Variants in WAC observed in about 807,000 individuals in gnomAD.
The protein encoded by WAC is WW domain containing adaptor with coiled-coil, also known as WW domain-containing adapter protein with coiled-coil.
Under a neutral mutation model 79.6 loss-of-function variants are expected in WAC, and 11 were observed. The observed-to-expected ratio is 0.14, with a 90% confidence interval of 0.09 to 0.23. The LOEUF (loss-of-function observed/expected upper bound fraction) is 0.23. Among genes scored for constraint, WAC ranks in the 10% least tolerant of loss-of-function variants. The pLI, the probability that WAC is intolerant of heterozygous loss-of-function variation, is 1.00. For missense variants in WAC, 728 were observed against 773.5 expected, an observed-to-expected ratio of 0.94 and a Z score of 0.70; for synonymous variants, 304 against 276.9, an observed-to-expected ratio of 1.10 and a Z score of -0.97.
chr10:28,610,884 C>T (rs1841205986), intron 9 of WAC, 63 bp downstream of exon 9: 12 of 1,448,750 alleles, frequency 8.3e-6, no homozygotes, highest in Non-Finnish European at 1.1e-5. Context: ...GAATTAATAG[C>T]CCTTTTTTGT....
chr10:28,592,328 A>G (rs114883797), intron 6 of WAC, among the ~76,000 whole-genome samples: 1,749 of 152,284 alleles, frequency 0.011, 34 homozygotes, highest in African/African-American at 0.039. Flanking sequence ...ATGCACAGAA[A>G]ATGAGTGACA....
chr10:28,535,343 TGTGTTTAGTGTGA>T, intron 2 of WAC: 1 of 364,704 alleles, frequency 2.7e-6, no homozygotes, highest in Non-Finnish European at 4.7e-6. Flanking sequence ...GGGTTTTTTT[TGTGTTTAGTGTGA>T]TTTGTTATCA....
intron 7 of WAC, among the ~76,000 whole-genome samples, chr10:28,597,017 C>T (rs1840406587): frequency 6.6e-6 from 1 of 152,026 alleles, no homozygotes; most frequent in African/African-American, 2.4e-5. Context: ...TGAGCAGAAA[C>T]TCAACTATAA....
Position 28,590,712 on chromosome 10 carries a change from A to G in WAC, c.498-8A>G, listed in dbSNP as rs77623728. On this transcript the variant is annotated splice_polypyrimidine_tract_variant and splice_region_variant and intron_variant, in intron 5 of 13. Coordinates refer to ENST00000354911, the MANE Select transcript of WAC (RefSeq NM_016628.5). ...TTTTTATATGTTTATCTTTTTTTTT[A>G]TTTTTAGAGAACAGAGACAAAAAGA... 6 of 1,568,738 alleles carry G rather than the reference A, an allele frequency of 3.8e-6. No individual in the cohort carries two copies. The African/African-American group carries it at 6.9e-5, about 18-fold the overall frequency.
intron 3 of WAC, among the ~76,000 whole-genome samples, chr10:28,580,624 C>T (rs760881799): frequency 1.6e-4 from 25 of 152,042 alleles, no homozygotes; most frequent in Non-Finnish European, 2.5e-4. Context: ...TGTCGACAAA[C>T]TTAAGGAAAT....
chr10:28,601,724 G>A (rs929871287), intron 7 of WAC, among the ~76,000 whole-genome samples: 1 of 152,094 alleles, frequency 6.6e-6, no homozygotes, highest in African/African-American at 2.4e-5. Flanking sequence ...GCCTTCAAAG[G>A]GAGTGAAATT....
At chr10:28,540,380 T>A (rs894032700) in intron 3 of WAC, among the ~76,000 whole-genome samples, 1 of 152,210 alleles carries the variant, frequency 6.6e-6, no homozygotes, top group African/African-American at 2.4e-5. Context: ...ATGGCATGAA[T>A]TAGTTTGAAG....
chr10:28,607,947 C>G (rs1564416382), intron 7 of WAC, among the ~76,000 whole-genome samples: 1 of 152,166 alleles, frequency 6.6e-6, no homozygotes, highest in Non-Finnish European at 1.5e-5. Context: ...GGTTTTATGG[C>G]TTCAGGTTAT....
At chr10:28,614,339 C>T (rs751354995) in intron 10 of WAC, among the ~76,000 whole-genome samples, 11 of 152,058 alleles carry the variant, frequency 7.2e-5, no homozygotes, top group African/African-American at 1.4e-4. Flanking sequence ...GTGATCCGCC[C>T]GCCTCGGCCT....
intron 6 of WAC, among the ~76,000 whole-genome samples, chr10:28,594,588 C>T (rs1421525842): frequency 6.6e-6 from 1 of 152,002 alleles, no homozygotes; most frequent in Non-Finnish European, 1.5e-5. Context: ...ATTCCGGTAC[C>T]TTTTGTTGTG....
At chr10:28,616,071 G>T in intron 11 of WAC, 102 bp from the exon 12 acceptor site, 3 of 917,862 alleles carry the variant, frequency 3.3e-6, no homozygotes, top group Non-Finnish European at 3.1e-6. Context: ...TTAGGAATTT[G>T]GATATCTTTA....
At chr10:28,560,514 C>G (rs1838241802) in intron 3 of WAC, among the ~76,000 whole-genome samples, 1 of 152,094 alleles carries the variant, frequency 6.6e-6, no homozygotes. Context: ...GCCTGAGATT[C>G]TGGTTTAGAC....
chr10:28,566,262 CGT>C, intron 3 of WAC, among the ~76,000 whole-genome samples: 1 of 151,692 alleles, frequency 6.6e-6, no homozygotes, highest in Non-Finnish European at 1.5e-5. Flanking sequence ...TGTGTGTGCA[CGT>C]GTGTGTGTGC....
chr10:28,580,371 G>A (rs2132609571), intron 3 of WAC, among the ~76,000 whole-genome samples: 1 of 152,258 alleles, frequency 6.6e-6, no homozygotes, highest in African/African-American at 2.4e-5. Context: ...TGAATTTCTG[G>A]ATCTTAACCT....
At chr10:28,589,656 ATGTG>A in intron 4 of WAC, 76 bp from the exon 5 acceptor site, 1 of 876,332 alleles carries the variant, frequency 1.1e-6, no homozygotes, top group Non-Finnish European at 1.8e-6. Flanking sequence ...GTTTTCCTGT[ATGTG>A]TGCTTTGATG....
chr10:28,536,749 C>G (rs751827148), intron 3 of WAC, among the ~76,000 whole-genome samples: 5 of 152,334 alleles, frequency 3.3e-5, no homozygotes, highest in South Asian at 2.1e-4. Context: ...TATTTTCAGA[C>G]TTAATTTGCC....
chr10:28,603,976 T>A (rs371129245), intron 7 of WAC, among the ~76,000 whole-genome samples: 9 of 70,388 alleles, frequency 1.3e-4, no homozygotes, highest in African/African-American at 5.0e-4. Flanking sequence ...TATATATATA[T>A]ATATATATAT....
chr10:28,540,418 C>T (rs779634171), intron 3 of WAC, among the ~76,000 whole-genome samples: 9 of 152,308 alleles, frequency 5.9e-5, no homozygotes, highest in Admixed American at 1.3e-4. Flanking sequence ...CTGCTAATAT[C>T]TTCACCCTTC....
At chr10:28,595,668 A>G in intron 6 of WAC, 65 bp from the exon 7 acceptor site, 2 of 1,479,074 alleles carry the variant, frequency 1.4e-6, no homozygotes, top group South Asian at 1.3e-5. Flanking sequence ...TAGGATTCTA[A>G]TGTAATCTTT....
Sources: gnomAD v4.1 joint callset for allele counts (sites outside exome capture counted in the v4.1 genomes callset) on GRCh38, gnomAD v4.1.1 for gene constraint, MANE v1.5 for transcripts, NCBI Gene and HGNC (gene_info 2026-07-23, HGNC 2026-07-21) for gene names.